Variants in RGS3 observed in about 807,000 individuals in gnomAD.
RGS3 encodes the protein regulator of G protein signaling 3.
A neutral mutation model predicts 132.6 loss-of-function variants in RGS3; 80 were observed. That is an observed-to-expected ratio of 0.60 (90% CI 0.50 to 0.73). The LOEUF (loss-of-function observed/expected upper bound fraction) is 0.73, where lower values mean the gene tolerates loss of function less well. RGS3 is among the 30% of genes least tolerant of loss of function. RGS3 has a pLI of 0.00. For synonymous variants in RGS3, 598 were observed against 620.6 expected (o/e 0.96, Z 0.54); for missense variants, 1,382 against 1,530.8 (o/e 0.90, Z 1.62).
intron 19 of RGS3, among the ~76,000 whole-genome samples, chr9:113,575,728 C>T (rs1251433054): frequency 6.6e-6 from 1 of 152,150 alleles, no homozygotes; most frequent in Non-Finnish European, 1.5e-5. Context: ...AGAATTGTCT[C>T]GTCAGTCAGA....
At chr9:113,553,459 A>AAAAAAAAAAAAATATAT (rs1426114805) in intron 19 of RGS3, among the ~76,000 whole-genome samples, 37 of 58,680 alleles carry the variant, frequency 6.3e-4, no homozygotes, top group Non-Finnish European at 9.4e-4. Context: ...AAAAAAAAAA[A>AAAAAAAAAAAAATATAT]ATATATATAT....
At chr9:113,491,589 C>CT (rs1830525298) in intron 7 of RGS3, among the ~76,000 whole-genome samples, 1 of 151,434 alleles carries the variant, frequency 6.6e-6, no homozygotes, top group Non-Finnish European at 1.5e-5. Context: ...AAGTCTCTCT[C>CT]TGTTACCCAG....
At chr9:113,486,836 T>C (rs555156976) in intron 7 of RGS3, among the ~76,000 whole-genome samples, 2 of 152,366 alleles carry the variant, frequency 1.3e-5, no homozygotes, top group South Asian at 2.1e-4. Context: ...ATTTCTCTTT[T>C]AATAAAGTAT....
At chr9:113,511,724 G>A (rs564106364) in intron 14 of RGS3, among the ~76,000 whole-genome samples, 5 of 152,210 alleles carry the variant, frequency 3.3e-5, no homozygotes, top group East Asian at 1.9e-4. Flanking sequence ...TAAGAAGTCC[G>A]AGACTGGGGG....
chr9:113,495,753 A>T (rs774863930), intron 7 of RGS3, 33 bp from the exon 6 acceptor site: 2 of 1,606,654 alleles, frequency 1.2e-6, no homozygotes, highest in Non-Finnish European at 1.7e-6. Context: ...CCCAGAAAAA[A>T]AATGCTGACT....
intron 18 of RGS3, 68 bp from the exon 17 acceptor site, chr9:113,536,728 G>T: frequency 2.5e-6 from 4 of 1,578,552 alleles, no homozygotes; most frequent in Non-Finnish European, 2.6e-6. Context: ...GGATGGGCTT[G>T]GGCCTGGGAG....
chr9:113,561,092 C>T (rs1833760665), intron 19 of RGS3, among the ~76,000 whole-genome samples: 2 of 151,972 alleles, frequency 1.3e-5, no homozygotes, highest in South Asian at 4.1e-4. Context: ...GATGTGATCT[C>T]GGCTCACTGC....
chr9:113,533,237 T>TG (rs1304549946), intron 18 of RGS3, among the ~76,000 whole-genome samples: 3 of 151,668 alleles, frequency 2.0e-5, no homozygotes, highest in Non-Finnish European at 4.4e-5. Flanking sequence ...AATTCTGTTT[T>TG]TTTTTTTTTT....
At chr9:113,464,755 A>G (rs1276866100) in intron 3 of RGS3, among the ~76,000 whole-genome samples, 9 of 152,130 alleles carry the variant, frequency 5.9e-5, no homozygotes, top group Non-Finnish European at 1.3e-4. Flanking sequence ...CTTGCATACA[A>G]TTTCCTTCTA....
chr9:113,513,539 C>T (rs893304544), intron 14 of RGS3, among the ~76,000 whole-genome samples: 8 of 152,188 alleles, frequency 5.3e-5, no homozygotes, highest in Non-Finnish European at 1.0e-4. Flanking sequence ...TAACTTTTAT[C>T]ACACACTTAC....
intron 4 of RGS3, among the ~76,000 whole-genome samples, chr9:113,482,547 G>T (rs894886325): frequency 3.9e-5 from 6 of 152,194 alleles, no homozygotes; most frequent in Non-Finnish European, 8.8e-5. Context: ...GAGTGCCACG[G>T]CATGGCTCAT....
chr9:113,455,012 C>G (rs947376875), intron 1 of RGS3, among the ~76,000 whole-genome samples: 9 of 152,132 alleles, frequency 5.9e-5, no homozygotes, highest in African/African-American at 2.2e-4. Context: ...ACTGTCTCCT[C>G]TCTGGTACTC....
At chr9:113,466,221 G>A (rs553864176) in intron 3 of RGS3, among the ~76,000 whole-genome samples, 2 of 152,326 alleles carry the variant, frequency 1.3e-5, no homozygotes, top group Admixed American at 6.5e-5. Context: ...TACTGTGAAG[G>A]TTTTGGCTAA....
At chr9:113,553,460 ATATATATATATATATAT>A (rs1387515273) in intron 19 of RGS3, among the ~76,000 whole-genome samples, 41 of 49,810 alleles carry the variant, frequency 8.2e-4, no homozygotes, top group African/African-American at 3.4e-3. Context: ...AAAAAAAAAA[ATATATATATATATATAT>A]ATATATATAT....
At chr9:113,455,936 T>C (rs555136717), upstream of RGS3, among the ~76,000 whole-genome samples, 4 of 152,342 alleles carry the variant, frequency 2.6e-5, no homozygotes, top group East Asian at 7.7e-4. Flanking sequence ...AGAGTAAATT[T>C]GGTACCTTTT....
intron 1 of RGS3, among the ~76,000 whole-genome samples, chr9:113,460,934 G>A (rs2119157655): frequency 6.6e-6 from 1 of 152,232 alleles, no homozygotes; most frequent in South Asian, 2.1e-4. Context: ...ACTTTATTAA[G>A]TGCTTCAAAT....
chr9:113,591,461 C>A lies in RGS3; in HGVS notation c.3080+64C>A. 1 of 1,410,046 alleles carries A rather than the reference C, an allele frequency of 7.1e-7. No homozygotes were observed. The highest frequency in any genetic ancestry group is 1.2e-5 in the South Asian group (1 of 86,696). 87.3% of individuals were successfully genotyped at this position (1,410,046 alleles called of 1,614,324 possible). On this transcript the variant is annotated intron_variant, in intron 21 of 24. Transcript: ENST00000350696. The surrounding 1 kb of genome is among the most constrained non-coding windows in gnomAD (Gnocchi z 4.4). ...CTCCCTTGCCCCAGGGCTTGTCTCT[C>A]CTCTAGGGGTCCAGGTGGGGAGAAG...
intron 19 of RGS3, among the ~76,000 whole-genome samples, chr9:113,539,454 C>T (rs1314648726): frequency 6.6e-6 from 1 of 152,192 alleles, no homozygotes; most frequent in Non-Finnish European, 1.5e-5. Context: ...GTACCACAGG[C>T]ACATGCCACC....
At chr9:113,458,818 C>T (rs1484437080), upstream of RGS3, among the ~76,000 whole-genome samples, 1 of 152,166 alleles carries the variant, frequency 6.6e-6, no homozygotes, top group East Asian at 1.9e-4. Context: ...GTGGCATTAT[C>T]TTGGCCCACT....
Sources: gnomAD v4.1 joint callset for allele counts (sites outside exome capture counted in the v4.1 genomes callset) on GRCh38, gnomAD v4.1.1 for gene constraint, Gnocchi (gnomAD v3.1) non-coding constraint, MANE v1.5 for transcripts, NCBI Gene and HGNC (gene_info 2026-07-23, HGNC 2026-07-21) for gene names.